IGSF21: variants seen among roughly 807,000 people sequenced by gnomAD.
The protein encoded by IGSF21 is immunoglobulin superfamily member 21.
Under a neutral mutation model 46.8 loss-of-function variants are expected in IGSF21, and 28 were observed. That is an observed-to-expected ratio of 0.60 (90% CI 0.44 to 0.82). The LOEUF (loss-of-function observed/expected upper bound fraction) is 0.82. Among genes scored for constraint, IGSF21 ranks in the 40% least tolerant of loss-of-function variants. The pLI is 0.00. For missense variants in IGSF21, 624 were observed against 665.5 expected (o/e 0.94, Z 0.69); for synonymous variants, 284 against 273.6 (o/e 1.04, Z -0.38).
chr1:18,343,358 G>A (rs1266122635), intron 4 of IGSF21, among the ~76,000 whole-genome samples: 1 of 152,152 alleles, frequency 6.6e-6, no homozygotes, highest in African/African-American at 2.4e-5. Flanking sequence ...CCCTTATCAG[G>A]TGTATCATCT....
At chr1:18,277,401 G>A (rs2085112519) in intron 2 of IGSF21, among the ~76,000 whole-genome samples, 1 of 152,218 alleles carries the variant, frequency 6.6e-6, no homozygotes, top group South Asian at 2.1e-4. Context: ...GGCCTTCAGA[G>A]GCCAAACTCC....
At chr1:18,231,698 A>C (rs2084627207) in intron 2 of IGSF21, among the ~76,000 whole-genome samples, 1 of 152,200 alleles carries the variant, frequency 6.6e-6, no homozygotes, top group Non-Finnish European at 1.5e-5. Context: ...GGTGGCCTCC[A>C]TATTGGACAG....
intron 1 of IGSF21, among the ~76,000 whole-genome samples, chr1:18,215,003 G>C (rs756159683): frequency 1.3e-5 from 2 of 152,182 alleles, no homozygotes; most frequent in African/African-American, 2.4e-5. Flanking sequence ...GCCTCCCAAA[G>C]TGCCAAGATT....
chr1:18,114,002 A>C (rs1325522495), intron 1 of IGSF21: 3 of 152,154 alleles, frequency 2.0e-5, no homozygotes, highest in African/African-American at 7.2e-5. Flanking sequence ...TTGAGAGTCT[A>C]GTGTCAATTT....
chr1:18,272,695 C>T (rs1354937603), intron 2 of IGSF21, among the ~76,000 whole-genome samples: 1 of 152,228 alleles, frequency 6.6e-6, no homozygotes, highest in Non-Finnish European at 1.5e-5. Context: ...CCCCTCGGCT[C>T]TTGCCAGGGA....
chr1:18,255,229 A>G (rs1022584321), intron 2 of IGSF21, among the ~76,000 whole-genome samples: 2 of 152,304 alleles, frequency 1.3e-5, no homozygotes, highest in African/African-American at 4.8e-5. Flanking sequence ...GAGCATGGCA[A>G]TCTAAAGCCA....
intron 1 of IGSF21, among the ~76,000 whole-genome samples, chr1:18,225,083 T>A (rs113598463): frequency 0.025 from 1,373 of 54,806 alleles, 33 homozygotes; most frequent in African/African-American, 0.074. Flanking sequence ...TCTCTCTCTC[T>A]CTCACACACA....
At chr1:18,359,904 A>G (rs1179030317) in intron 4 of IGSF21, among the ~76,000 whole-genome samples, 2 of 152,210 alleles carry the variant, frequency 1.3e-5, no homozygotes, top group Non-Finnish European at 2.9e-5. Flanking sequence ...GCTCAGCTTC[A>G]TGTCAGAGGC....
intron 1 of IGSF21, among the ~76,000 whole-genome samples, chr1:18,201,560 C>T (rs1463636544): frequency 6.6e-6 from 1 of 152,148 alleles, no homozygotes; most frequent in East Asian, 1.9e-4. Context: ...AACTCAGCCT[C>T]CTGGTCCTGA....
At chr1:18,196,649 G>A (rs765825761) in intron 1 of IGSF21, among the ~76,000 whole-genome samples, 4 of 152,184 alleles carry the variant, frequency 2.6e-5, no homozygotes, top group Non-Finnish European at 5.9e-5. Flanking sequence ...TCTCATCAGA[G>A]CCACATAATG....
chr1:18,352,299 T>G (rs944311250), intron 4 of IGSF21, among the ~76,000 whole-genome samples: 2 of 152,172 alleles, frequency 1.3e-5, no homozygotes, highest in African/African-American at 4.8e-5. Flanking sequence ...GACCCTAATT[T>G]AGAGATGCAC....
At position 18,335,091 on chromosome 1, in the gene IGSF21, GC is replaced by G; in HGVS notation, c.424+83del. 9.3e-7 allele frequency: 1 copy of G among 1,078,100 alleles called. No homozygotes were observed. The highest frequency in any genetic ancestry group is 1.4e-6 in the Non-Finnish European group (1 of 704,586). The allele number at this position is 1,078,100 out of a possible 1,614,324, so 66.8% of individuals were successfully genotyped here. A position where few individuals can be genotyped will look rare whatever the true frequency, so the allele number is the denominator to read the frequency against. On this transcript the variant is annotated intron_variant, in intron 4 of 9. Transcript: ENST00000251296. The surrounding 1 kb of genome is among the most constrained non-coding windows in gnomAD (Gnocchi z 4.8). ...AGTGTGTGAATGTGCGCACAGAGTG[GC>G]CATCCTGGGGGCCATCCACCAGAAG...
intron 1 of IGSF21, among the ~76,000 whole-genome samples, chr1:18,204,890 A>G (rs2087110642): frequency 6.6e-6 from 1 of 152,230 alleles, no homozygotes. Flanking sequence ...AAACTACTCC[A>G]TAGGTACAAA....
At chr1:18,326,985 C>T (rs1471044821) in intron 3 of IGSF21, among the ~76,000 whole-genome samples, 7 of 152,114 alleles carry the variant, frequency 4.6e-5, no homozygotes, top group Admixed American at 3.9e-4. Flanking sequence ...GAGGAAACAT[C>T]GATGAGCCTC....
At chr1:18,300,064 T>TAATA (rs1287673387) in intron 3 of IGSF21, among the ~76,000 whole-genome samples, 1 of 152,160 alleles carries the variant, frequency 6.6e-6, no homozygotes, top group Non-Finnish European at 1.5e-5. Context: ...TTCTCTAGAA[T>TAATA]AATAAATAAA....
At chr1:18,200,692 A>G (rs1279339788) in intron 1 of IGSF21, among the ~76,000 whole-genome samples, 1 of 152,234 alleles carries the variant, frequency 6.6e-6, no homozygotes, top group Non-Finnish European at 1.5e-5. Context: ...ATGAGGCCAC[A>G]GTTACAGGTG....
intron 1 of IGSF21, among the ~76,000 whole-genome samples, chr1:18,220,014 G>C (rs1166342082): frequency 5.3e-5 from 8 of 152,180 alleles, no homozygotes; most frequent in Non-Finnish European, 8.8e-5. Flanking sequence ...ATATTGTTCA[G>C]GATGCAGCAG....
At chr1:18,364,499 C>A (rs186981013) in intron 5 of IGSF21, among the ~76,000 whole-genome samples, 2 of 151,534 alleles carry the variant, frequency 1.3e-5, no homozygotes, top group Admixed American at 1.3e-4. Flanking sequence ...CTCCCGCCCC[C>A]CTATCGATTT....
Position 18,339,783 on chromosome 1 carries a change from G to C in IGSF21, c.424+4773G>C, listed in dbSNP as rs2085809540. Among the ~76,000 whole-genome samples, 5 of 152,296 alleles carry C rather than the reference G, an allele frequency of 3.3e-5. No individual in the cohort carries two copies. The South Asian group carries it at 8.3e-4, about 25-fold the overall frequency. ...CAACAACAACGAATTCCGATGGATG[G>C]GTGGGGCTGTTTGCCTTTCGGAACA... On this transcript the variant is annotated intron_variant, in intron 4 of 9. Coordinates refer to ENST00000251296, the MANE Select transcript of IGSF21 (RefSeq NM_032880.5).
Sources: allele counts gnomAD v4.1 joint callset (sites outside exome capture counted in the v4.1 genomes callset), GRCh38; gene constraint gnomAD v4.1.1; non-coding constraint Gnocchi (gnomAD v3.1); transcripts MANE v1.5; gene names NCBI Gene and HGNC (gene_info 2026-07-23, HGNC 2026-07-21).